The following MALRD1 variants were observed in gnomAD, a reference collection of about 807,000 sequenced individuals.
The protein encoded by MALRD1 is MAM and LDL receptor class A domain containing 1, also known as MAM and LDL-receptor class A domain-containing protein 1.
Under a neutral mutation model 242.1 loss-of-function variants are expected in MALRD1, and 247 were observed. The observed-to-expected ratio is 1.02, with a 90% CI of 0.92 to 1.13. The LOEUF (loss-of-function observed/expected upper bound fraction) is 1.13, where lower values mean the gene tolerates loss of function less well. Ranked by LOEUF, MALRD1 falls within the 50% of genes most tolerant of loss-of-function variation. The pLI, the probability that MALRD1 is intolerant of heterozygous loss-of-function variation, is 0.00. For missense variants in MALRD1, 2,989 were observed against 2,533.1 expected, an observed-to-expected ratio of 1.18 and a Z score of -3.86; for synonymous variants, 995 against 866.6, an observed-to-expected ratio of 1.15 and a Z score of -2.60.
At chr10:19,367,685 AC>A (rs1463845631) in intron 26 of MALRD1, among the ~76,000 whole-genome samples, 1 of 152,106 alleles carries the variant, frequency 6.6e-6, no homozygotes, top group Non-Finnish European at 1.5e-5. Flanking sequence ...AAACCTCCAT[AC>A]TGTTCTTCGT....
At chr10:19,434,005 C>T (rs1230224767) in intron 28 of MALRD1, among the ~76,000 whole-genome samples, 1 of 151,984 alleles carries the variant, frequency 6.6e-6, no homozygotes, top group Non-Finnish European at 1.5e-5. Flanking sequence ...TAATTGGAAA[C>T]CCTGGAAAAC....
At chr10:19,351,324 A>G (rs1844366793) in intron 25 of MALRD1, among the ~76,000 whole-genome samples, 1 of 152,098 alleles carries the variant, frequency 6.6e-6, no homozygotes, top group African/African-American at 2.4e-5. Context: ...TGTGACAATC[A>G]CTCAAAATCT....
At chr10:19,186,949 C>T (rs541019298) in intron 14 of MALRD1, among the ~76,000 whole-genome samples, 16 of 152,226 alleles carry the variant, frequency 1.1e-4, no homozygotes, top group African/African-American at 3.1e-4. Flanking sequence ...TCCAAGCAAT[C>T]GACGTCTCCC....
At chr10:19,537,912 C>G (rs1278254005) in intron 32 of MALRD1, among the ~76,000 whole-genome samples, 3 of 152,044 alleles carry the variant, frequency 2.0e-5, no homozygotes, top group Non-Finnish European at 2.9e-5. Flanking sequence ...AAGATGATTT[C>G]AGAAGTCCAG....
chr10:19,136,316 T>G (rs1833337231), intron 9 of MALRD1, among the ~76,000 whole-genome samples: 1 of 151,226 alleles, frequency 6.6e-6, no homozygotes, highest in African/African-American at 2.4e-5. Flanking sequence ...TCTGAGCCTT[T>G]AGTGGAGCAA....
intron 1 of MALRD1, among the ~76,000 whole-genome samples, chr10:19,060,011 T>TTATG (rs1167137613): frequency 6.6e-6 from 1 of 152,178 alleles, no homozygotes; most frequent in Non-Finnish European, 1.5e-5. Context: ...AAGAAAAGTG[T>TTATG]TATGTAGCAG....
chr10:19,528,774 C>T (rs1834208714), intron 31 of MALRD1, among the ~76,000 whole-genome samples: 1 of 152,056 alleles, frequency 6.6e-6, no homozygotes, highest in South Asian at 2.1e-4. Flanking sequence ...TTCCTATCAT[C>T]GTAGAAGGAA....
At chr10:19,699,485 C>T (rs892111359) in intron 38 of MALRD1, among the ~76,000 whole-genome samples, 2 of 152,040 alleles carry the variant, frequency 1.3e-5, no homozygotes, top group African/African-American at 2.4e-5. Flanking sequence ...TGAGGTGATG[C>T]CCTTCCTGGA....
At chr10:19,277,842 A>C (rs542288152) in intron 19 of MALRD1, among the ~76,000 whole-genome samples, 1 of 152,324 alleles carries the variant, frequency 6.6e-6, no homozygotes, top group Non-Finnish European at 1.5e-5. Flanking sequence ...GATACTGGAC[A>C]TTTAATATTG....
At chr10:19,296,253 C>T (rs1295071629) in intron 21 of MALRD1, among the ~76,000 whole-genome samples, 2 of 152,080 alleles carry the variant, frequency 1.3e-5, no homozygotes, top group African/African-American at 2.4e-5. Context: ...CCTGACTGTA[C>T]TTTTGTTACA....
chr10:19,418,371 A>G (rs1235622290), intron 28 of MALRD1, among the ~76,000 whole-genome samples: 1 of 152,074 alleles, frequency 6.6e-6, no homozygotes, highest in Non-Finnish European at 1.5e-5. Context: ...TTTCAAGCTA[A>G]TCTCTTTTTA....
chr10:19,619,269 G>C (rs1839301463), intron 36 of MALRD1, among the ~76,000 whole-genome samples: 1 of 151,838 alleles, frequency 6.6e-6, no homozygotes. Context: ...TTTTTTTCTG[G>C]GAAGCCGATT....
chr10:19,486,940 T>G (rs1222914371), intron 29 of MALRD1, among the ~76,000 whole-genome samples: 1 of 152,168 alleles, frequency 6.6e-6, no homozygotes, highest in African/African-American at 2.4e-5. Flanking sequence ...ATAAACCTTA[T>G]GTTCTTACTG....
intron 24 of MALRD1, among the ~76,000 whole-genome samples, chr10:19,345,066 A>C (rs1050077976): frequency 6.6e-6 from 1 of 152,268 alleles, no homozygotes; most frequent in East Asian, 1.9e-4. Flanking sequence ...AAATAATAGG[A>C]TATGAAATTA....
chr10:19,243,025 T>G (rs546386182), intron 18 of MALRD1, among the ~76,000 whole-genome samples: 1 of 151,924 alleles, frequency 6.6e-6, no homozygotes, highest in Non-Finnish European at 1.5e-5. Flanking sequence ...CTTTCTAGTT[T>G]GGTGGTTTTC....
At chr10:19,593,005 TAA>T (rs3069581) in intron 33 of MALRD1, among the ~76,000 whole-genome samples, 8,803 of 144,312 alleles carry the variant, frequency 0.061, 641 homozygotes, top group African/African-American at 0.18. Flanking sequence ...ATAAAATACT[TAA>T]AAAAAAAAAA....
intron 21 of MALRD1, among the ~76,000 whole-genome samples, chr10:19,318,348 C>T (rs138306509): frequency 1.3e-5 from 2 of 151,820 alleles, no homozygotes; most frequent in African/African-American, 4.8e-5. Context: ...TCAAATTGAT[C>T]TCCTGACATA....
rs909867875 is a variant in MALRD1 at position 19,257,142 on chromosome 10, G to A, written c.2992-542G>A. ...CATCTGAGTTCACTGTGATTAATGT[G>A]GCCCTGAAGGAGATCTAATCACGAT... On this transcript the variant is annotated intron_variant, in intron 18 of 39. Coordinates refer to ENST00000454679, the MANE Select transcript of MALRD1 (RefSeq NM_001142308.3). Among the ~76,000 whole-genome samples, 56 of 152,116 alleles carry A rather than the reference G, an allele frequency of 3.7e-4. 1 individual carries two copies. The highest frequency in any genetic ancestry group is 1.3e-3 in the African/African-American group (56 of 41,518).
rs1383207820 is a variant in MALRD1 at position 19,155,158 on chromosome 10, T to C, written c.1642T>C (p.Ser548Pro). ...TGTTCTTACAAAATTGCTCACTGCC[T>C]CTACCCCATGTCAGGTAATCAACTG... Reference protein sequence around the residue: ...SPVLTKLLTASTPCQVQFWYH... With the variant: ...SPVLTKLLTAPTPCQVQFWYH... The change falls in exon 12 of 40, where the codon TCT becomes CCT. Residue 548 changes from serine to proline, a missense_variant. By Grantham distance (74) the Ser-to-Pro change is moderately conservative. Coordinates refer to ENST00000454679, the MANE Select transcript of MALRD1 (RefSeq NM_001142308.3). 16 of 1,231,300 alleles carry C rather than the reference T, an allele frequency of 1.3e-5. No homozygotes were observed. The highest frequency in any genetic ancestry group is 1.6e-5 in the Non-Finnish European group (16 of 987,758). 76.3% of individuals were successfully genotyped at this position (1,231,300 alleles called of 1,614,324 possible). A position where few individuals can be genotyped will look rare whatever the true frequency, so the allele number is the denominator to read the frequency against.
Sources: allele counts gnomAD v4.1 joint callset (sites outside exome capture counted in the v4.1 genomes callset), GRCh38; gene constraint gnomAD v4.1.1; transcripts MANE v1.5; gene names NCBI Gene and HGNC (gene_info 2026-07-23, HGNC 2026-07-21).